The following ZBTB16 variants were observed in gnomAD, a reference collection of about 807,000 sequenced individuals.
ZBTB16 encodes the protein zinc finger and BTB domain containing 16, also known as zinc finger and BTB domain-containing protein 16.
ZBTB16 carries 8 observed loss-of-function variants against 56.8 expected under a neutral mutation model. That is an observed-to-expected ratio of 0.14 (90% CI 0.08 to 0.25). ZBTB16 has a LOEUF of 0.25. Among genes scored for constraint, ZBTB16 ranks in the 10% least tolerant of loss-of-function variants. The pLI, the probability that ZBTB16 is intolerant of heterozygous loss-of-function variation, is 1.00. For synonymous variants in ZBTB16, 363 were observed against 368.5 expected (o/e 0.98, Z 0.17); for missense variants, 625 against 903.0 (o/e 0.69, Z 3.95).
At chr11:114,183,725 G>C (rs1943302671) in intron 3 of ZBTB16, among the ~76,000 whole-genome samples, 2 of 152,214 alleles carry the variant, frequency 1.3e-5, no homozygotes, top group African/African-American at 4.8e-5. Context: ...ATTTGGGACT[G>C]GGGGCAGTTT....
intron 3 of ZBTB16, among the ~76,000 whole-genome samples, chr11:114,166,723 C>T (rs536896): frequency 0.084 from 12,713 of 152,096 alleles, 560 homozygotes; most frequent in Middle Eastern, 0.12. Context: ...TGTGTTTCTA[C>T]CTTTTGGATT....
intron 4 of ZBTB16, among the ~76,000 whole-genome samples, chr11:114,235,629 C>CTTTCTTTCCTT (rs1944551537): frequency 1.0e-5 from 1 of 97,794 alleles, no homozygotes; most frequent in East Asian, 3.0e-4. Flanking sequence ...CCTCTCCCTT[C>CTTTCTTTCCTT]CTTTCTTTCT....
At chr11:114,224,332 ATGCCCACTTTTC>A (rs1257030586) in intron 4 of ZBTB16, among the ~76,000 whole-genome samples, 2 of 152,232 alleles carry the variant, frequency 1.3e-5, no homozygotes, top group African/African-American at 4.8e-5. Context: ...ATCTAGGATA[ATGCCCACTTTTC>A]TTGCTTGGGC....
At chr11:114,121,075 C>T (rs1941328696) in intron 2 of ZBTB16, among the ~76,000 whole-genome samples, 1 of 152,214 alleles carries the variant, frequency 6.6e-6, no homozygotes, top group Admixed American at 6.5e-5. Flanking sequence ...CGTTTAGAGA[C>T]ACCATAGAAT....
Position 114,120,532 on chromosome 11 carries a change from C to T in ZBTB16, c.1269-35805C>T, listed in dbSNP as rs1448567930. Among the ~76,000 whole-genome samples, 3 of 152,112 alleles carry T rather than the reference C, an allele frequency of 2.0e-5. No homozygotes were observed. The East Asian group carries it at 5.8e-4, about 29-fold the overall frequency. On this transcript the variant is annotated intron_variant, in intron 2 of 6. Transcript: ENST00000335953. The stretch of plus-strand genomic sequence containing the variant: ...AGAGGAAAGAAGGAAATCCTGACTC[C>T]TTAGATCACTATCGTGTGAGATGAA...
chr11:114,254,617 G>A lies in ZBTB16; in HGVS notation c.*4062G>A, dbSNP rs529080976. ...GGCAAGCCGAGCTAGGGTGAAAACT[G>A]GGGGCGCACCAGGATGTGAGACAGA... On this transcript the variant is annotated 3_prime_UTR_variant, in exon 7 of 7. Transcript: ENST00000335953. 5.9e-4 allele frequency among the ~76,000 whole-genome samples: 90 copies of A among 152,198 alleles called. No individual in the cohort carries two copies. Among genetic ancestry groups the A allele is most frequent in the African/African-American group, 1.9e-3 (78 of 41,504 alleles).
chr11:114,150,001 A>C (rs532303514), intron 2 of ZBTB16, among the ~76,000 whole-genome samples: 22 of 152,354 alleles, frequency 1.4e-4, no homozygotes, highest in African/African-American at 5.3e-4. Flanking sequence ...GCCATAAAAG[A>C]CAGAGATAAA....
chr11:114,084,804 A>T (rs1939902201), intron 2 of ZBTB16, among the ~76,000 whole-genome samples: 1 of 152,218 alleles, frequency 6.6e-6, no homozygotes, highest in Non-Finnish European at 1.5e-5. Context: ...CAATGTTTAG[A>T]TGAGCTGCTG....
At chr11:114,145,755 C>A (rs1942081723) in intron 2 of ZBTB16, among the ~76,000 whole-genome samples, 3 of 152,060 alleles carry the variant, frequency 2.0e-5, no homozygotes. Context: ...ATGCTACAAA[C>A]CAGTGAATGG....
chr11:114,132,518 C>G (rs1281146444), intron 2 of ZBTB16, among the ~76,000 whole-genome samples: 1 of 152,156 alleles, frequency 6.6e-6, no homozygotes, highest in African/African-American at 2.4e-5. Context: ...TGCCCTCTAG[C>G]TGTGTGACCT....
At chr11:114,243,869 C>G (rs1010991000) in intron 5 of ZBTB16, among the ~76,000 whole-genome samples, 1 of 152,212 alleles carries the variant, frequency 6.6e-6, no homozygotes, top group Admixed American at 6.5e-5. Context: ...ATGCCACCTT[C>G]TCAGAGCTCA....
rs1565663100 is a variant in ZBTB16 at position 114,167,227 on chromosome 11, T to TTG, written c.1366+10794_1366+10795insGT. 1.2e-4 allele frequency among the ~76,000 whole-genome samples: 9 copies of TTG among 72,390 alleles called. 1 individual carries two copies. The highest frequency in any genetic ancestry group is 2.3e-4 in the African/African-American group (2 of 8,822). 47.5% of individuals were successfully genotyped at this position (72,390 alleles called of 152,430 possible). A position where few individuals can be genotyped will look rare whatever the true frequency, so the allele number is the denominator to read the frequency against. On this transcript the variant is annotated intron_variant, in intron 3 of 6. Coordinates refer to ENST00000335953, the MANE Select transcript of ZBTB16 (RefSeq NM_006006.6). Reference sequence around the variant, plus strand: ...ATTATGGATTTGTGGTTTTTTTTTTTTTTGGTTTTTTTTTTTTTTTTTTTT... The same window carrying TTG: ...ATTATGGATTTGTGGTTTTTTTTTTTTGTTTGGTTTTTTTTTTTTTTTTTTTT...
chr11:114,083,457 C>G (rs1199706930), intron 2 of ZBTB16, among the ~76,000 whole-genome samples: 1 of 152,186 alleles, frequency 6.6e-6, no homozygotes, highest in Non-Finnish European at 1.5e-5. Flanking sequence ...ACGTCCCAGT[C>G]GCTGGCTCCA....
At chr11:114,222,012 G>A (rs965286707) in intron 4 of ZBTB16, among the ~76,000 whole-genome samples, 3 of 152,180 alleles carry the variant, frequency 2.0e-5, no homozygotes, top group Admixed American at 2.0e-4. Flanking sequence ...GCTTGGCTCT[G>A]CTGTCGCCTG....
Position 114,252,840 on chromosome 11 carries a change from A to C in ZBTB16, c.*2285A>C, listed in dbSNP as rs1428816548. On this transcript the variant is annotated 3_prime_UTR_variant, in exon 7 of 7. Coordinates refer to ENST00000335953, the MANE Select transcript of ZBTB16 (RefSeq NM_006006.6). Reference sequence around the variant, plus strand: ...CCTTCAATCTCATCCACCAAATCTGAAGGCCTTAAAATTGTGTGTTGGGAG... The same window carrying C: ...CCTTCAATCTCATCCACCAAATCTGCAGGCCTTAAAATTGTGTGTTGGGAG... 6.6e-6 allele frequency among the ~76,000 whole-genome samples: 1 copy of C among 151,858 alleles called. No homozygotes were observed. The highest frequency in any genetic ancestry group is 1.5e-5 in the Non-Finnish European group (1 of 67,910).
intron 2 of ZBTB16, among the ~76,000 whole-genome samples, chr11:114,144,256 C>T (rs1633535): frequency 0.84 from 127,014 of 151,638 alleles, 53,721 homozygotes; most frequent in Middle Eastern, 0.9. Flanking sequence ...AAACCTCGTC[C>T]GTGTGGCTCA....
chr11:114,082,913 G>A (rs112928460), intron 2 of ZBTB16, among the ~76,000 whole-genome samples: 216 of 152,304 alleles, frequency 1.4e-3, no homozygotes, highest in African/African-American at 4.7e-3. Flanking sequence ...GCTATCTCCC[G>A]CGGGCCAGTC....
intron 2 of ZBTB16, among the ~76,000 whole-genome samples, chr11:114,144,014 C>G (rs1182259534): frequency 1.3e-5 from 2 of 152,146 alleles, no homozygotes; most frequent in Non-Finnish European, 2.9e-5. Context: ...TGCTTTTCCC[C>G]ATGAAAATGA....
rs77783842 is a variant in ZBTB16, at chr11:114,126,284, T to G, written c.1269-30053T>G. On this transcript the variant is annotated intron_variant, in intron 2 of 6. Transcript: ENST00000335953. ...ATCTGCTGCTCTGTATTGAAATATG[T>G]GATCTAGAAGGAGCCATAAAATAGG... 4.4e-3 allele frequency among the ~76,000 whole-genome samples: 666 copies of G among 152,324 alleles called. 12 individuals carry two copies. Among genetic ancestry groups the G allele is most frequent in the African/African-American group, 0.015 (619 of 41,584 alleles).
Sources: gnomAD v4.1 joint callset for allele counts (sites outside exome capture counted in the v4.1 genomes callset) on GRCh38, gnomAD v4.1.1 for gene constraint, MANE v1.5 for transcripts, NCBI Gene and HGNC (gene_info 2026-07-23, HGNC 2026-07-21) for gene names.